The following COL4A6 variants were observed in gnomAD, a reference collection of about 807,000 sequenced individuals.
COL4A6 encodes collagen alpha-6(IV) chain.
Under a neutral mutation model 126.7 loss-of-function variants are expected in COL4A6, and 59 were observed. That is an observed-to-expected ratio of 0.47 (90% CI 0.38 to 0.58). The LOEUF is 0.58. COL4A6 is among the 20% of genes least tolerant of loss of function. The pLI, the probability that COL4A6 is intolerant of heterozygous loss-of-function variation, is 0.00. For synonymous variants in COL4A6, 547 were observed against 496.6 expected, an observed-to-expected ratio of 1.10 and a Z score of -1.35; for missense variants, 1,285 against 1,337.3, an observed-to-expected ratio of 0.96 and a Z score of 0.61.
intron 2 of COL4A6, chrX:108,383,481 A>G: frequency 2.3e-6 from 1 of 442,412 alleles, no homozygotes; most frequent in Non-Finnish European, 4.1e-6. Context: ...GTTACCCCAG[A>G]AGCCTGAGGA....
At position 108,176,925 on chromosome X, in the gene COL4A6, G is replaced by A. The variant is rs767166969; in HGVS notation, c.2602C>T (p.Pro868Ser). The stretch of plus-strand genomic sequence containing the variant: ...AGTCCTACTAGGCCTGGATTTCCAG[G>A]AAGGCCTTTTAGCCCTGGCAGCCCT... Reference protein sequence around the residue: ...KKGLPGLKGLPGNPGLVGLKG... With the variant: ...KKGLPGLKGLSGNPGLVGLKG... Residue 868 changes from proline to serine, a missense_variant, in exon 28 of 45, where the codon CCT becomes TCT. Physicochemically the swap from Pro to Ser is moderately conservative, Grantham distance 74 (BLOSUM62 -1). Coordinates refer to ENST00000334504, the MANE Select transcript of COL4A6 (RefSeq NM_033641.4). 3.3e-6 allele frequency: 4 copies of A among 1,211,781 alleles called. No homozygotes were observed. In the South Asian group the frequency reaches 5.3e-5, roughly 16 times the overall value.
chrX:108,383,471 G>C, intron 2 of COL4A6: 2 of 464,221 alleles, frequency 4.3e-6, no homozygotes, highest in East Asian at 4.0e-5. Context: ...TGGGAGGTAG[G>C]TTACCCCAGA....
chrX:108,352,810 C>T (rs753846345), intron 2 of COL4A6, among the ~76,000 whole-genome samples: 25 of 112,311 alleles, frequency 2.2e-4, no homozygotes, highest in African/African-American at 8.1e-4. Flanking sequence ...GCTTACAGCC[C>T]TCTGTCATTA....
intron 3 of COL4A6, among the ~76,000 whole-genome samples, chrX:108,294,835 ATGGT>A (rs2038278317): frequency 8.9e-6 from 1 of 111,955 alleles, no homozygotes; most frequent in Admixed American, 9.5e-5. Flanking sequence ...GATAGTGGTG[ATGGT>A]TGCAGAACCT....
intron 3 of COL4A6, among the ~76,000 whole-genome samples, chrX:108,299,999 C>G (rs891749896): frequency 1.8e-5 from 2 of 111,832 alleles, no homozygotes; most frequent in Non-Finnish European, 3.8e-5. Context: ...TAAAATTTGT[C>G]AGGTAGGAAA....
At chrX:108,169,373 C>G in intron 37 of COL4A6, 122 bp downstream of exon 37, 1 of 929,652 alleles carries the variant, frequency 1.1e-6, no homozygotes, top group Non-Finnish European at 1.5e-6. Context: ...GGTTGTGAGA[C>G]TCCCAGAGAT....
intron 2 of COL4A6, among the ~76,000 whole-genome samples, chrX:108,400,099 T>C (rs2041053099): frequency 9.0e-6 from 1 of 111,726 alleles, no homozygotes. Flanking sequence ...TGAAGGTTTG[T>C]AGAGATTATT....
At chrX:108,362,367 A>G (rs774742912) in intron 2 of COL4A6, among the ~76,000 whole-genome samples, 5 of 111,969 alleles carry the variant, frequency 4.5e-5, no homozygotes, top group African/African-American at 1.6e-4. Flanking sequence ...ATGTTAATAC[A>G]TGATCATGGG....
chrX:108,243,453 A>C (rs974961885), intron 3 of COL4A6, among the ~76,000 whole-genome samples: 2 of 111,292 alleles, frequency 1.8e-5, no homozygotes, highest in East Asian at 5.7e-4. Context: ...ATGTGAGGAC[A>C]CAGCATAAAA....
In COL4A6 at chrX:108,176,881, A is replaced by C. The variant is rs771565093; in HGVS notation, c.2646T>G (p.Ser882=). The C allele has an allele frequency of 9.3e-5, 112 of 1,209,955 alleles. No individual in the cohort carries two copies. Among genetic ancestry groups the C allele is most frequent in the Non-Finnish European group, 1.2e-4 (106 of 895,247 alleles). The change falls in exon 28 of 45, where the codon TCT becomes TCG. Residue 882 remains serine, a synonymous_variant. Transcript: ENST00000334504. ...GGGCTGGCAACCCAGCGACCCCTGGAGAGCCTGGGCTTCCTTTCAGTCCTA... is the reference window on the plus strand; with the variant it reads ...GGGCTGGCAACCCAGCGACCCCTGGCGAGCCTGGGCTTCCTTTCAGTCCTA... The part of the protein sequence containing the change: ...GLVGLKGSPG[S]PGVAGLPALS...
chrX:108,162,047 T>C (rs1215873190), intron 41 of COL4A6, among the ~76,000 whole-genome samples: 1 of 112,267 alleles, frequency 8.9e-6, no homozygotes, highest in Non-Finnish European at 1.9e-5. Flanking sequence ...GAGCATCCCA[T>C]ATCAGAAATG....
intron 5 of COL4A6, among the ~76,000 whole-genome samples, chrX:108,216,873 C>G (rs755506907): frequency 8.9e-6 from 1 of 112,776 alleles, no homozygotes. Context: ...AGGCAGGGAA[C>G]TAGAGATTCA....
intron 3 of COL4A6, among the ~76,000 whole-genome samples, chrX:108,278,766 G>C (rs1416977974): frequency 9.1e-6 from 1 of 109,992 alleles, no homozygotes. Flanking sequence ...CCCACAAAGG[G>C]AAGCCCATCA....
In COL4A6 at chrX:108,422,280, C is replaced by T. The variant is rs374609212; in HGVS notation, c.63+15662G>A. On this transcript the variant is annotated intron_variant, in intron 2 of 44. Transcript: ENST00000334504. ...ATATGGGAGGCTGAGGTGAATGGATCGCTTGAGCCCAGGAGTTCCAGGCTG... is the reference window on the plus strand; with the variant it reads ...ATATGGGAGGCTGAGGTGAATGGATTGCTTGAGCCCAGGAGTTCCAGGCTG... Among the ~76,000 whole-genome samples, 15 of 111,086 alleles carry T rather than the reference C, an allele frequency of 1.4e-4. No individual in the cohort carries two copies. In the East Asian group the frequency reaches 2.5e-3, roughly 19 times the overall value.
At chrX:108,323,740 T>C (rs1003798896) in intron 2 of COL4A6, among the ~76,000 whole-genome samples, 2 of 112,444 alleles carry the variant, frequency 1.8e-5, no homozygotes, top group Non-Finnish European at 3.8e-5. Context: ...TAAATTTCAC[T>C]TTCTGTCTTT....
At chrX:108,171,293 G>C (rs777553097) in intron 33 of COL4A6, 94 bp downstream of exon 33, 2 of 717,433 alleles carry the variant, frequency 2.8e-6, no homozygotes, top group African/African-American at 2.1e-5. Context: ...CTGGATAGAA[G>C]TTGCAGAACT....
chrX:108,158,595 C>T, intron 44 of COL4A6, among the ~76,000 whole-genome samples: 1 of 112,115 alleles, frequency 8.9e-6, no homozygotes, highest in Middle Eastern at 4.6e-3. Context: ...TTCTGTATTA[C>T]ACTGGGATAA....
chrX:108,400,275 C>T (rs1201420827), intron 2 of COL4A6, among the ~76,000 whole-genome samples: 2 of 111,165 alleles, frequency 1.8e-5, no homozygotes, highest in African/African-American at 6.5e-5. Flanking sequence ...TCTCCTCGCT[C>T]TTTCAGAGTC....
At chrX:108,253,761 C>G (rs1040871011) in intron 3 of COL4A6, among the ~76,000 whole-genome samples, 1 of 111,845 alleles carries the variant, frequency 8.9e-6, no homozygotes, top group Admixed American at 9.5e-5. Flanking sequence ...TCCATAACCC[C>G]TAGTTCTTTC....
Sources: allele counts gnomAD v4.1 joint callset (sites outside exome capture counted in the v4.1 genomes callset), GRCh38; gene constraint gnomAD v4.1.1; transcripts MANE v1.5; gene names NCBI Gene and HGNC (gene_info 2026-07-23, HGNC 2026-07-21).